The following MFSD2A variants were observed in gnomAD, a reference collection of about 807,000 sequenced individuals.
The protein encoded by MFSD2A is MFSD2 lysolipid transporter A, lysophospholipid.
Under a neutral mutation model 64.7 loss-of-function variants are expected in MFSD2A, and 27 were observed. That is an observed-to-expected ratio of 0.42 (90% CI 0.31 to 0.58). MFSD2A has a LOEUF of 0.58. MFSD2A is among the 20% of genes least tolerant of loss of function. MFSD2A has a pLI of 0.18. For synonymous variants in MFSD2A, 258 were observed against 273.4 expected, an observed-to-expected ratio of 0.94 and a Z score of 0.55; for missense variants, 474 against 679.5, an observed-to-expected ratio of 0.70 and a Z score of 3.36.
Position 39,969,846 on chromosome 1 carries a change from T to C in MFSD2A, c.*278T>C. ...CCGGAACACTAATGTAGAAACCTTT[T>C]TTTTTACAGAGCCTAATTAATAACT... On this transcript the variant is annotated 3_prime_UTR_variant, in exon 14 of 14. Coordinates refer to ENST00000372811, the MANE Select transcript of MFSD2A (RefSeq NM_032793.5). The C allele has an allele frequency of 2.1e-6, 1 of 482,970 alleles. No homozygotes were observed. The highest frequency in any genetic ancestry group is 3.6e-6 in the Non-Finnish European group (1 of 274,934). 29.9% of individuals were successfully genotyped at this position (482,970 alleles called of 1,614,324 possible). A position where few individuals can be genotyped will look rare whatever the true frequency, so the allele number is the denominator to read the frequency against.
Position 39,968,556 on chromosome 1 carries a change from CT to C in MFSD2A, c.1353-12del, listed in dbSNP as rs1052706147. The C allele has an allele frequency of 3.1e-6, 5 of 1,613,926 alleles. No homozygotes were observed. The African/African-American group carries it at 5.3e-5, about 17-fold the overall frequency. The stretch of plus-strand genomic sequence containing the variant: ...CCCATCTTCACCGTTCTCCTACCCC[CT>C]GGGTCCCATAGCTTTGCAGGGTACC... On this transcript the variant is annotated splice_polypyrimidine_tract_variant and intron_variant, in intron 12 of 13. Transcript: ENST00000372811. This position sits in a 1 kb window ranked among gnomAD's most constrained non-coding sequence, Gnocchi z 4.4.
intron 3 of MFSD2A, among the ~76,000 whole-genome samples, chr1:39,959,073 G>C (rs1644982634): frequency 2.0e-5 from 3 of 151,968 alleles, no homozygotes; most frequent in Non-Finnish European, 4.4e-5. Context: ...TCCTCCCCAG[G>C]GTCCACTCAT....
At chr1:39,962,536 GA>G (rs1163384361) in intron 3 of MFSD2A, 9 of 587,628 alleles carry the variant, frequency 1.5e-5, no homozygotes, top group Non-Finnish European at 3.0e-6. Context: ...TCTTCTCCGA[GA>G]AAACACCAAA....
In MFSD2A at chr1:39,958,667, T is replaced by A; in HGVS notation, c.229-34T>A. ...GTGAGAGTTGAGGCGAGTAGAAGGA[T>A]GAGGAAGTTGTCTTTTGCTTCTCCT... is the stretch of plus-strand genomic sequence containing the variant. On this transcript the variant is annotated intron_variant, in intron 2 of 13. Transcript: ENST00000372811. The surrounding 1 kb of genome is among the most constrained non-coding windows in gnomAD (Gnocchi z 4.7). The A allele has an allele frequency of 1.2e-6, 2 of 1,613,922 alleles. No homozygotes were observed. Among genetic ancestry groups the A allele is most frequent in the Non-Finnish European group, 1.7e-6 (2 of 1,179,930 alleles).
At chr1:39,966,127 A>G (rs748846174) in intron 6 of MFSD2A, 113 bp downstream of exon 6, 27 of 1,264,010 alleles carry the variant, frequency 2.1e-5, no homozygotes, top group Non-Finnish European at 2.8e-5. Flanking sequence ...TGGGCATTTG[A>G]TATACATAAC....
Position 39,957,241 on chromosome 1 carries a change from G to C in MFSD2A, c.228+20G>C, listed in dbSNP as rs1284509363. ...GCTCAGGTGAGTGGTCTAAGCCTTCGAGGGCTCCTTCAGCATCCTGAGGTG... is the reference window on the plus strand; with the variant it reads ...GCTCAGGTGAGTGGTCTAAGCCTTCCAGGGCTCCTTCAGCATCCTGAGGTG... On this transcript the variant is annotated intron_variant, in intron 2 of 13. Transcript: ENST00000372811. 3.3e-6 allele frequency: 5 copies of C among 1,529,760 alleles called. No homozygotes were observed. Among genetic ancestry groups the C allele is most frequent in the Non-Finnish European group, 4.4e-6 (5 of 1,137,018 alleles). The allele number at this position is 1,529,760 out of a possible 1,614,324, so 94.8% of individuals were successfully genotyped here.
chr1:39,962,619 T>A, intron 3 of MFSD2A: 1 of 819,934 alleles, frequency 1.2e-6, no homozygotes, highest in Middle Eastern at 3.4e-4. Flanking sequence ...CTCTGGTGCC[T>A]TCCGCGGAGG....
At position 39,967,091 on chromosome 1, in the gene MFSD2A, G is replaced by A. The variant is rs749330517; in HGVS notation, c.933G>A (p.Val311=). ...FLFTSLAFML[V]EGNFVLFCTY... ...CTACCTTGCTCCATGCCCAGCTGGTGGAGGGGAACTTTGTCTTGTTTTGCA... is the reference window on the plus strand; with the variant it reads ...CTACCTTGCTCCATGCCCAGCTGGTAGAGGGGAACTTTGTCTTGTTTTGCA... Residue 311 remains valine (V), a synonymous_variant, in exon 9 of 14, where the codon GTG becomes GTA. Coordinates refer to ENST00000372811, the MANE Select transcript of MFSD2A (RefSeq NM_032793.5). 6 of 1,614,024 alleles carry A rather than the reference G, an allele frequency of 3.7e-6. No individual in the cohort carries two copies. The Admixed American group carries it at 1.0e-4, about 27-fold the overall frequency.
intron 6 of MFSD2A, among the ~76,000 whole-genome samples, chr1:39,966,321 G>C (rs112181563): frequency 3.4e-4 from 52 of 152,198 alleles, no homozygotes; most frequent in Admixed American, 2.1e-3. Flanking sequence ...GTAGAGACGG[G>C]GTCTTGCCAA....
Position 39,965,479 on chromosome 1 carries a change from T to C in MFSD2A, c.486T>C (p.His162=), listed in dbSNP as rs372714865. ...CLFETMVTCF[H]VPYSALTMFI... is the part of the protein sequence containing the mutation. Reference sequence around the variant, plus strand: ...CCTGTCTTCTATGCCAGTGTTTCCATGTTCCCTACTCGGCTCTCACCATGT... The same window carrying C: ...CCTGTCTTCTATGCCAGTGTTTCCACGTTCCCTACTCGGCTCTCACCATGT... Residue 162 remains histidine (H), a synonymous_variant, in exon 5 of 14, where the codon CAT becomes CAC. Transcript: ENST00000372811. This position sits in a 1 kb window ranked among gnomAD's most constrained non-coding sequence, Gnocchi z 5.5. 1.9e-6 allele frequency: 3 copies of C among 1,614,046 alleles called. No individual in the cohort carries two copies. The highest frequency in any genetic ancestry group is 2.2e-5 in the East Asian group (1 of 44,854).
rs974164566 is a variant in MFSD2A, at chr1:39,968,831, A to G, written c.1529+86A>G. 3.5e-6 allele frequency: 5 copies of G among 1,440,732 alleles called. No homozygotes were observed. The African/African-American group carries it at 7.0e-5, about 20-fold the overall frequency. The allele number at this position is 1,440,732 out of a possible 1,614,324, so 89.2% of individuals were successfully genotyped here. Reference sequence around the variant, plus strand: ...TTGTGTCTCCTGTGGCCAAGTCCAGACTCACCCCCCACACATCTTCTCTGG... The same window carrying G: ...TTGTGTCTCCTGTGGCCAAGTCCAGGCTCACCCCCCACACATCTTCTCTGG... On this transcript the variant is annotated intron_variant, in intron 13 of 13. Transcript: ENST00000372811. This position sits in a 1 kb window ranked among gnomAD's most constrained non-coding sequence, Gnocchi z 4.4.
rs751431553 is a variant in MFSD2A, at chr1:39,968,665, G to T, written c.1449G>T (p.Leu483=). The T allele has an allele frequency of 5.6e-6, 9 of 1,614,138 alleles. No homozygotes were observed. Among genetic ancestry groups the T allele is most frequent in the South Asian group, 5.5e-5 (5 of 91,082 alleles). The change falls in exon 13 of 14, where the codon CTG becomes CTT. Residue 483 remains leucine, a synonymous_variant. Coordinates refer to ENST00000372811, the MANE Select transcript of MFSD2A (RefSeq NM_032793.5). The surrounding 1 kb of genome is among the most constrained non-coding windows in gnomAD (Gnocchi z 4.4). ...CCATGGCTCCCATAGTTCTCATCCT[G>T]CTGGGCCTGCTGCTCTTCAAAATGT... ...LVTMAPIVLI[L]LGLLLFKMYP...
chr1:39,959,076 C>T (rs139028703), intron 3 of MFSD2A, among the ~76,000 whole-genome samples: 60 of 152,248 alleles, frequency 3.9e-4, no homozygotes, highest in African/African-American at 1.4e-3. Flanking sequence ...TCCCCAGGGT[C>T]CACTCATTCC....
intron 1 of MFSD2A, among the ~76,000 whole-genome samples, chr1:39,956,289 A>T (rs761763222): frequency 6.6e-6 from 1 of 152,170 alleles, no homozygotes; most frequent in Non-Finnish European, 1.5e-5. Flanking sequence ...CTGGCTGCCT[A>T]TAGTGGTCAG....
In MFSD2A at chr1:39,965,283, C is replaced by A; in HGVS notation, c.426C>A (p.Gly142=). Residue 142 remains glycine (G), a synonymous_variant, in exon 4 of 14, where the codon GGC becomes GGA. Transcript: ENST00000372811. This position sits in a 1 kb window ranked among gnomAD's most constrained non-coding sequence, Gnocchi z 5.5. ...GGTTCGTGCCCGACTTCCCACACGG[C>A]CAGACCTATTGGTACCTGCTTTTCT... ...LIWFVPDFPH[G]QTYWYLLFYC... is the part of the protein sequence containing the mutation. 1 of 1,614,136 alleles carries A rather than the reference C, an allele frequency of 6.2e-7. No homozygotes were observed. The highest frequency in any genetic ancestry group is 8.5e-7 in the Non-Finnish European group (1 of 1,180,010).
chr1:39,969,631 C>T lies in MFSD2A; in HGVS notation c.*63C>T, dbSNP rs1051553550. 10 of 1,492,914 alleles carry T rather than the reference C, an allele frequency of 6.7e-6. No homozygotes were observed. The highest frequency in any genetic ancestry group is 2.8e-5 in the African/African-American group (2 of 70,846). 92.5% of individuals were successfully genotyped at this position (1,492,914 alleles called of 1,614,324 possible). ...CACAGAAGGGATCAGGACCTGTCTG[C>T]CGGCTTGCTGAGCAGCTGGACTGCA... On this transcript the variant is annotated 3_prime_UTR_variant, in exon 14 of 14. Coordinates refer to ENST00000372811, the MANE Select transcript of MFSD2A (RefSeq NM_032793.5).
chr1:39,966,132 C>G (rs866337283), intron 6 of MFSD2A, 118 bp downstream of exon 6: 1 of 1,216,594 alleles, frequency 8.2e-7, no homozygotes, highest in Middle Eastern at 2.4e-4. Flanking sequence ...ATTTGATATA[C>G]ATAACAATTA....
Position 39,955,446 on chromosome 1 carries a change from A to G in MFSD2A, c.93+61A>G, listed in dbSNP as rs770882356. 4 of 1,488,866 alleles carry G rather than the reference A, an allele frequency of 2.7e-6. No individual in the cohort carries two copies. Among genetic ancestry groups the G allele is most frequent in the Middle Eastern group, 3.5e-4 (2 of 5,760 alleles). The allele number at this position is 1,488,866 out of a possible 1,614,324, so 92.2% of individuals were successfully genotyped here. A position where few individuals can be genotyped will look rare whatever the true frequency, so the allele number is the denominator to read the frequency against. On this transcript the variant is annotated intron_variant, in intron 1 of 13. Coordinates refer to ENST00000372811, the MANE Select transcript of MFSD2A (RefSeq NM_032793.5). This position sits in a 1 kb window ranked among gnomAD's most constrained non-coding sequence, Gnocchi z 5.9. ...AGGGAGGAGGCGGAAATGGGGGATC[A>G]GGGGCGTCCCGGGGTCGGCCTGGTC...
intron 3 of MFSD2A, chr1:39,962,599 G>A: frequency 1.3e-6 from 1 of 763,620 alleles, no homozygotes. Flanking sequence ...GGTGGCCCTG[G>A]GATGGGGAAC....
Sources: allele counts gnomAD v4.1 joint callset (sites outside exome capture counted in the v4.1 genomes callset), GRCh38; gene constraint gnomAD v4.1.1; non-coding constraint Gnocchi (gnomAD v3.1); transcripts MANE v1.5; gene names NCBI Gene and HGNC (gene_info 2026-07-23, HGNC 2026-07-21).